The following CDKAL1 variants were observed in gnomAD, a reference collection of about 807,000 sequenced individuals.
CDKAL1 encodes threonylcarbamoyladenosine tRNA methylthiotransferase.
In CDKAL1, 32 loss-of-function variants were observed where a neutral mutation model predicts 68.2. The ratio of observed to expected loss-of-function variants is 0.47; its 90% CI spans 0.35 to 0.63. The LOEUF is 0.63. CDKAL1 is among the 30% of genes least tolerant of loss of function. CDKAL1 has a pLI of 0.00. For synonymous variants in CDKAL1, 234 were observed against 244.3 expected, an observed-to-expected ratio of 0.96 and a Z score of 0.39; for missense variants, 606 against 696.7, an observed-to-expected ratio of 0.87 and a Z score of 1.47.
intron 11 of CDKAL1, among the ~76,000 whole-genome samples, chr6:21,038,716 A>C (rs1769736847): frequency 6.6e-6 from 1 of 152,088 alleles, no homozygotes; most frequent in Non-Finnish European, 1.5e-5. Context: ...ATCATTAGTT[A>C]ATGTATTTTA....
chr6:21,138,264 A>G (rs959711), intron 13 of CDKAL1, among the ~76,000 whole-genome samples: 45,972 of 151,516 alleles, frequency 0.3, 8,007 homozygotes, highest in Admixed American at 0.41. Flanking sequence ...TGTATGCTGT[A>G]TGTGTGTGGG....
intron 7 of CDKAL1, chr6:20,772,851 A>C (rs1472906512): frequency 1.3e-5 from 2 of 152,174 alleles, no homozygotes; most frequent in Admixed American, 1.3e-4. Flanking sequence ...CCTCCTCCCC[A>C]GTCCACCAGG....
At chr6:21,161,650 CAT>C (rs1386061757) in intron 13 of CDKAL1, among the ~76,000 whole-genome samples, 1 of 152,098 alleles carries the variant, frequency 6.6e-6, no homozygotes, top group African/African-American at 2.4e-5. Context: ...TAACTATACA[CAT>C]AAAAATTAAA....
At chr6:21,037,535 A>G (rs1226210478) in intron 11 of CDKAL1, among the ~76,000 whole-genome samples, 1 of 152,220 alleles carries the variant, frequency 6.6e-6, no homozygotes, top group African/African-American at 2.4e-5. Context: ...GTGCTGCCCA[A>G]TAGAGCTTTC....
At position 20,730,838 on chromosome 6, in the gene CDKAL1, C is replaced by T. The variant is rs565126238; in HGVS notation, c.372-8681C>T. The stretch of plus-strand genomic sequence containing the variant: ...CAGCTGGGGCTAAGAAGCAAGACTC[C>T]GTCTCAAAAAAAAAAAAAAAAAAGA... On this transcript the variant is annotated intron_variant, in intron 5 of 15. Coordinates refer to ENST00000274695, the MANE Select transcript of CDKAL1 (RefSeq NM_017774.3). Among the ~76,000 whole-genome samples, 45 of 94,310 alleles carry T rather than the reference C, an allele frequency of 4.8e-4. No individual in the cohort carries two copies. The East Asian group carries it at 5.9e-3, about 12-fold the overall frequency. 61.9% of individuals were successfully genotyped at this position (94,310 alleles called of 152,430 possible).
chr6:20,777,596 C>CA (rs1775227532), intron 7 of CDKAL1, among the ~76,000 whole-genome samples: 1 of 152,158 alleles, frequency 6.6e-6, no homozygotes, highest in South Asian at 2.1e-4. Context: ...GCCTGGGCGA[C>CA]AGAGTGAGAC....
intron 11 of CDKAL1, among the ~76,000 whole-genome samples, chr6:21,021,297 A>G (rs1768649371): frequency 6.6e-6 from 1 of 152,160 alleles, no homozygotes; most frequent in South Asian, 2.1e-4. Context: ...ATGTGTTAAG[A>G]TGGGCTTAAT....
intron 6 of CDKAL1, among the ~76,000 whole-genome samples, chr6:20,741,693 C>T (rs1773467801): frequency 6.6e-6 from 1 of 151,992 alleles, no homozygotes; most frequent in African/African-American, 2.4e-5. Context: ...TGTATATGTA[C>T]CACATTTTCT....
At chr6:21,058,972 C>A (rs13219752) in intron 11 of CDKAL1, among the ~76,000 whole-genome samples, 1 of 152,202 alleles carries the variant, frequency 6.6e-6, no homozygotes, top group Non-Finnish European at 1.5e-5. Context: ...GAATCCCCAT[C>A]ATCTGGAGTG....
At chr6:20,818,809 G>A (rs541007295) in intron 8 of CDKAL1, among the ~76,000 whole-genome samples, 98 of 151,886 alleles carry the variant, frequency 6.5e-4, no homozygotes, top group Admixed American at 1.8e-3. Flanking sequence ...GAGTCACAGT[G>A]AGATAATGTA....
At chr6:21,048,286 A>G (rs1245719356) in intron 11 of CDKAL1, among the ~76,000 whole-genome samples, 7 of 152,256 alleles carry the variant, frequency 4.6e-5, no homozygotes, top group African/African-American at 1.7e-4. Context: ...TGGATTTGGC[A>G]CATGGGTTGT....
chr6:20,767,047 A>G (rs1290721009), intron 7 of CDKAL1, among the ~76,000 whole-genome samples: 1 of 152,140 alleles, frequency 6.6e-6, no homozygotes, highest in Non-Finnish European at 1.5e-5. Flanking sequence ...TTCTTCCTTT[A>G]TTATAACCAA....
chr6:20,597,036 G>A lies in CDKAL1; in HGVS notation c.286+48331G>A, dbSNP rs529813550. 7.9e-4 allele frequency among the ~76,000 whole-genome samples: 121 copies of A among 152,312 alleles called. 1 individual carries two copies. In the South Asian group the frequency reaches 0.017, roughly 21 times the overall value. On this transcript the variant is annotated intron_variant, in intron 4 of 15. Coordinates refer to ENST00000274695, the MANE Select transcript of CDKAL1 (RefSeq NM_017774.3). ...TCAGTTGGAAACGCAGAAATCACCCGCCTTCTGTGTTGATCTGGCTGGGAG... is the reference window on the plus strand; with the variant it reads ...TCAGTTGGAAACGCAGAAATCACCCACCTTCTGTGTTGATCTGGCTGGGAG...
At chr6:20,949,387 C>T (rs1393361966) in intron 9 of CDKAL1, among the ~76,000 whole-genome samples, 2 of 152,210 alleles carry the variant, frequency 1.3e-5, no homozygotes, top group Non-Finnish European at 1.5e-5. Context: ...TAATACATAA[C>T]CTCCTCCACT....
intron 7 of CDKAL1, among the ~76,000 whole-genome samples, chr6:20,779,904 T>G (rs1485070421): frequency 1.3e-5 from 2 of 151,754 alleles, no homozygotes; most frequent in Non-Finnish European, 2.9e-5. Flanking sequence ...CTTACTCTCA[T>G]AGTGTGTGAA....
In CDKAL1 at chr6:20,694,062, ATGTGTG is replaced by A. The variant is rs55981799; in HGVS notation, c.371+44711_371+44716del. Among the ~76,000 whole-genome samples, 253 of 129,048 alleles carry A rather than the reference ATGTGTG, an allele frequency of 2.0e-3. 1 individual carries two copies. The highest frequency in any genetic ancestry group is 7.4e-3 in the South Asian group (30 of 4,070). 84.7% of individuals were successfully genotyped at this position (129,048 alleles called of 152,430 possible). On this transcript the variant is annotated intron_variant, in intron 5 of 15. Coordinates refer to ENST00000274695, the MANE Select transcript of CDKAL1 (RefSeq NM_017774.3). ...TAACTTTGTGTGTGTGTGTGTGTGT[ATGTGTG>A]TGTGTGTGTGTGTGTGTGTGTGTGT...
At chr6:20,957,008 TAAAAAAA>T (rs70990087) in intron 10 of CDKAL1, among the ~76,000 whole-genome samples, 1,202 of 113,836 alleles carry the variant, frequency 0.011, 17 homozygotes, top group Non-Finnish European at 0.014. Flanking sequence ...TGATTCTCTG[TAAAAAAA>T]AAAAAAAAAA....
At chr6:21,176,525 A>G (rs1404293830) in intron 13 of CDKAL1, among the ~76,000 whole-genome samples, 1 of 152,220 alleles carries the variant, frequency 6.6e-6, no homozygotes, top group Non-Finnish European at 1.5e-5. Flanking sequence ...AAAGGAGACC[A>G]AAATATTGCT....
chr6:20,606,422 G>A (rs1245882283), intron 4 of CDKAL1, among the ~76,000 whole-genome samples: 2 of 152,108 alleles, frequency 1.3e-5, no homozygotes, highest in African/African-American at 4.8e-5. Context: ...AGTTAAGGTC[G>A]GCCGGATTGC....
Sources: gnomAD v4.1 joint callset for allele counts (sites outside exome capture counted in the v4.1 genomes callset) on GRCh38, gnomAD v4.1.1 for gene constraint, MANE v1.5 for transcripts, NCBI Gene and HGNC (gene_info 2026-07-23, HGNC 2026-07-21) for gene names.